Variants in TNS3 observed in about 807,000 individuals in gnomAD.
TNS3 encodes the protein tensin 3, also known as tensin-3.
A neutral mutation model predicts 140.9 loss-of-function variants in TNS3; 45 were observed. That is an observed-to-expected ratio of 0.32 (90% CI 0.25 to 0.41). The LOEUF (loss-of-function observed/expected upper bound fraction) is 0.41. Ranked by LOEUF, TNS3 falls within the 10% of genes least tolerant of loss-of-function variation. TNS3 has a pLI of 1.00. For missense variants in TNS3, 1,716 were observed against 1,906.7 expected (o/e 0.90, Z 1.86); for synonymous variants, 815 against 788.4 (o/e 1.03, Z -0.56).
At chr7:47,555,688 A>G (rs563439575) in intron 1 of TNS3, among the ~76,000 whole-genome samples, 38 of 152,332 alleles carry the variant, frequency 2.5e-4, no homozygotes, top group Non-Finnish European at 5.1e-4. Context: ...CATCAGCAAA[A>G]AGATTTTAAC....
At chr7:47,540,733 T>C (rs34142529) in intron 1 of TNS3, among the ~76,000 whole-genome samples, 5,916 of 151,910 alleles carry the variant, frequency 0.039, 395 homozygotes, top group African/African-American at 0.13. Flanking sequence ...GGAAAAGAGG[T>C]GAGGAGAGGC....
chr7:47,512,375 T>C (rs1302844793), intron 2 of TNS3, among the ~76,000 whole-genome samples: 1 of 152,204 alleles, frequency 6.6e-6, no homozygotes, highest in African/African-American at 2.4e-5. Flanking sequence ...CTGGCACACA[T>C]TTCCCCTTCT....
In TNS3 at chr7:47,409,107, A is replaced by G. The variant is rs537488556; in HGVS notation, c.723+2620T>C. Among the ~76,000 whole-genome samples the G allele has an allele frequency of 2.6e-5, 4 of 152,216 alleles. No individual in the cohort carries two copies. The East Asian group carries it at 7.7e-4, about 29-fold the overall frequency. On this transcript the variant is annotated intron_variant, in intron 13 of 30. Transcript: ENST00000311160. ...GGGCCACAGAAAATAATGAGGAGGA[A>G]GGAGGGAGGGAGCAGAGAGGAGGAA...
chr7:47,351,535 G>T (rs1202546670), intron 17 of TNS3, among the ~76,000 whole-genome samples: 1 of 152,126 alleles, frequency 6.6e-6, no homozygotes, highest in Admixed American at 6.5e-5. Flanking sequence ...ACTTGAACGT[G>T]AGACTCCACG....
intron 17 of TNS3, among the ~76,000 whole-genome samples, chr7:47,358,206 T>G (rs1004566442): frequency 6.6e-6 from 1 of 152,120 alleles, no homozygotes; most frequent in African/African-American, 2.4e-5. Context: ...GGTATGATCT[T>G]GGCTCACTGA....
In TNS3 at chr7:47,396,794, A is replaced by G; in HGVS notation, c.1024+6T>C. 1.2e-6 allele frequency: 2 copies of G among 1,609,620 alleles called. No homozygotes were observed. The highest frequency in any genetic ancestry group is 1.7e-6 in the Non-Finnish European group (2 of 1,175,886). On this transcript the variant is annotated splice_donor_region_variant and intron_variant, in intron 16 of 30. Transcript: ENST00000311160. ...CCATAACTGCACACAAGATGAACAC[A>G]CGCACCTTCTCCATCTGCACTGAGG...
intron 17 of TNS3, among the ~76,000 whole-genome samples, chr7:47,367,645 C>T (rs1396229571): frequency 1.3e-5 from 2 of 152,128 alleles, no homozygotes; most frequent in African/African-American, 2.4e-5. Context: ...CAGAGGCCCC[C>T]GCACCGGGTC....
intron 8 of TNS3, among the ~76,000 whole-genome samples, chr7:47,430,728 T>C (rs76960014): frequency 1.4e-5 from 1 of 72,858 alleles, no homozygotes; most frequent in African/African-American, 3.6e-5. Context: ...GTATTTTTTC[T>C]TTTTTTTTTT....
chr7:47,576,076 C>T (rs747681597), intron 1 of TNS3, among the ~76,000 whole-genome samples: 2 of 152,126 alleles, frequency 1.3e-5, no homozygotes, highest in Non-Finnish European at 2.9e-5. Flanking sequence ...ACTGGAAACA[C>T]CTGTCCTTGA....
At chr7:47,416,886 C>G (rs1396273727) in intron 10 of TNS3, among the ~76,000 whole-genome samples, 1 of 152,222 alleles carries the variant, frequency 6.6e-6, no homozygotes, top group Non-Finnish European at 1.5e-5. Context: ...GTCACCTCCT[C>G]TGGAGCAGTT....
chr7:47,439,257 C>T (rs1260532542), intron 6 of TNS3, among the ~76,000 whole-genome samples: 6 of 152,214 alleles, frequency 3.9e-5, no homozygotes, highest in Admixed American at 3.9e-4. Context: ...AACAGCCATC[C>T]CTGCGGTCAG....
intron 3 of TNS3, among the ~76,000 whole-genome samples, chr7:47,491,448 C>T (rs1797811279): frequency 6.6e-6 from 1 of 152,098 alleles, no homozygotes; most frequent in African/African-American, 2.4e-5. Flanking sequence ...AATACGACCT[C>T]GCGGGGTGGA....
At chr7:47,397,553 C>T (rs12540482) in intron 15 of TNS3, among the ~76,000 whole-genome samples, 29,798 of 152,072 alleles carry the variant, frequency 0.2, 3,628 homozygotes, top group Non-Finnish European at 0.26. Context: ...GCCTACTATA[C>T]TTCTAATTCT....
intron 2 of TNS3, among the ~76,000 whole-genome samples, chr7:47,525,552 A>G (rs961959919): frequency 2.0e-5 from 3 of 152,158 alleles, no homozygotes; most frequent in African/African-American, 4.8e-5. Context: ...CTCTGTTTCT[A>G]TCTCCCTCAA....
At chr7:47,301,878 G>T (rs1372873417) in intron 23 of TNS3, among the ~76,000 whole-genome samples, 1 of 152,194 alleles carries the variant, frequency 6.6e-6, no homozygotes, top group Non-Finnish European at 1.5e-5. Context: ...GCAGTTGTGG[G>T]CTGGCATCAC....
chr7:47,480,584 AG>A (rs960162058), intron 4 of TNS3, among the ~76,000 whole-genome samples: 1 of 152,272 alleles, frequency 6.6e-6, no homozygotes, highest in African/African-American at 2.4e-5. Flanking sequence ...GCATTTGAAA[AG>A]CAGACAGCAA....
At chr7:47,460,224 A>C (rs1796430706) in intron 4 of TNS3, among the ~76,000 whole-genome samples, 1 of 38,692 alleles carries the variant, frequency 2.6e-5, no homozygotes, top group East Asian at 1.2e-3. Flanking sequence ...AAAAAAAAAA[A>C]AAAAAAAAAA....
In TNS3 at chr7:47,566,635, T is replaced by C. The variant is rs78220075; in HGVS notation, c.-265+15416A>G. Among the ~76,000 whole-genome samples the C allele has an allele frequency of 8.8e-4, 134 of 152,296 alleles. 1 individual carries two copies. In the East Asian group the frequency reaches 0.025, roughly 28 times the overall value. On this transcript the variant is annotated intron_variant, in intron 1 of 30. Coordinates refer to ENST00000311160, the MANE Select transcript of TNS3 (RefSeq NM_022748.12). The stretch of plus-strand genomic sequence containing the variant: ...TAACTGATTCAGGCAAAGGCCATCC[T>C]TGTATGTTAAAATGGCTGAAAGTTG...
chr7:47,406,595 G>A (rs1405955860), intron 13 of TNS3, among the ~76,000 whole-genome samples: 4 of 152,194 alleles, frequency 2.6e-5, no homozygotes, highest in Non-Finnish European at 5.9e-5. Flanking sequence ...CGCCTGGGAA[G>A]CCACTTTCCG....
Sources: gnomAD v4.1 joint callset for allele counts (sites outside exome capture counted in the v4.1 genomes callset) on GRCh38, gnomAD v4.1.1 for gene constraint, MANE v1.5 for transcripts, NCBI Gene and HGNC (gene_info 2026-07-23, HGNC 2026-07-21) for gene names.